Variants in PFKFB1 observed in about 807,000 individuals in gnomAD.
PFKFB1 encodes the protein 6-phosphofructo-2-kinase/fructose-2,6-bisphosphatase 1.
In PFKFB1, 34 loss-of-function variants were observed where a neutral mutation model predicts 46.4. The observed-to-expected ratio is 0.73, with a 90% CI of 0.56 to 0.98. The LOEUF (loss-of-function observed/expected upper bound fraction) is 0.98, where lower values mean the gene tolerates loss of function less well. PFKFB1 is among the 50% of genes least tolerant of loss of function. The probability of loss-of-function intolerance (pLI) is 0.00; values close to 1 mark genes in which losing one functional copy is unlikely to be tolerated. For synonymous variants in PFKFB1, 119 were observed against 133.8 expected (o/e 0.89, Z 0.76); for missense variants, 393 against 376.3 (o/e 1.04, Z -0.37).
intron 1 of PFKFB1, among the ~76,000 whole-genome samples, chrX:54,971,457 T>A (rs1187912313): frequency 1.6e-4 from 18 of 111,327 alleles, no homozygotes; most frequent in Non-Finnish European, 3.8e-5. Context: ...CTTCTAGGGT[T>A]TTTATGGTTT....
chrX:54,989,277 G>A (rs1935181059), intron 1 of PFKFB1, among the ~76,000 whole-genome samples: 1 of 111,426 alleles, frequency 9.0e-6, no homozygotes, highest in African/African-American at 3.3e-5. Context: ...CACATACCAG[G>A]CAAATATTAA....
In PFKFB1 at chrX:54,934,949, T is replaced by A. The variant is rs750333012; in HGVS notation, c.1289A>T (p.Tyr430Phe). 17 of 1,201,709 alleles carry A rather than the reference T, an allele frequency of 1.4e-5. No homozygotes were observed. The highest frequency in any genetic ancestry group is 1.9e-5 in the Non-Finnish European group (17 of 886,760). ...HTVLKLTPVAYGCKVESIYLN... is the reference protein window; with the variant it reads ...HTVLKLTPVAFGCKVESIYLN... Reference sequence around the variant, plus strand: ...TTGATCAGGGTGGGAGTACTTACCATAAGCCACAGGAGTGAGTTTGAGCAC... The same window carrying A: ...TTGATCAGGGTGGGAGTACTTACCAAAAGCCACAGGAGTGAGTTTGAGCAC... Residue 430 changes from tyrosine to phenylalanine, a missense_variant and splice_region_variant, in exon 12 of 14, where the codon TAT (tyrosine) becomes TTT (phenylalanine). By Grantham distance (22) the Tyr-to-Phe change is conservative. Transcript: ENST00000375006.
chrX:54,954,981 G>A (rs923457316), intron 7 of PFKFB1, among the ~76,000 whole-genome samples: 5 of 111,719 alleles, frequency 4.5e-5, no homozygotes, highest in African/African-American at 9.8e-5. Context: ...CCTTCACCCC[G>A]GCCTTCAGGC....
intron 1 of PFKFB1, among the ~76,000 whole-genome samples, chrX:54,973,941 C>G (rs1316164312): frequency 9.0e-6 from 1 of 111,077 alleles, no homozygotes; most frequent in Non-Finnish European, 1.9e-5. Flanking sequence ...GATCTGTATG[C>G]TGGAAATTAC....
At chrX:54,985,655 T>G (rs1476658672) in intron 1 of PFKFB1, among the ~76,000 whole-genome samples, 1 of 111,040 alleles carries the variant, frequency 9.0e-6, no homozygotes, top group African/African-American at 3.3e-5. Flanking sequence ...CTTAATTTTC[T>G]CAGCTTCCTT....
chrX:54,991,539 CTGTGTG>C (rs59214352), intron 1 of PFKFB1, among the ~76,000 whole-genome samples: 19 of 61,860 alleles, frequency 3.1e-4, no homozygotes, highest in Non-Finnish European at 5.8e-4. Flanking sequence ...CTCTCTCTCT[CTGTGTG>C]TGTGTGTGTG....
At chrX:54,964,364 C>T (rs946027732) in intron 1 of PFKFB1, among the ~76,000 whole-genome samples, 89 of 110,541 alleles carry the variant, frequency 8.1e-4, no homozygotes, top group African/African-American at 2.5e-3. Context: ...TGGAATACAT[C>T]TATAAGAGAT....
intron 10 of PFKFB1, among the ~76,000 whole-genome samples, chrX:54,940,233 G>C (rs1311262150): frequency 9.0e-6 from 1 of 111,535 alleles, no homozygotes; most frequent in African/African-American, 3.3e-5. Flanking sequence ...GTATTGATGG[G>C]ACGTATCTCA....
At chrX:54,986,287 A>G (rs966557461) in intron 1 of PFKFB1, among the ~76,000 whole-genome samples, 6 of 112,061 alleles carry the variant, frequency 5.4e-5, no homozygotes, top group Admixed American at 9.5e-5. Context: ...CTCCATCTCT[A>G]TTCTAAAAAA....
chrX:54,959,739 G>A (rs1389953505), intron 4 of PFKFB1, 88 bp downstream of exon 4: 2 of 577,331 alleles, frequency 3.5e-6, no homozygotes, highest in Non-Finnish European at 6.0e-6. Context: ...AGAACATAAT[G>A]TTCTGTACAC....
intron 1 of PFKFB1, among the ~76,000 whole-genome samples, chrX:54,974,177 A>T (rs940086184): frequency 8.9e-6 from 1 of 111,746 alleles, no homozygotes; most frequent in Non-Finnish European, 1.9e-5. Context: ...GCAAAATAAA[A>T]ACAATGTTGC....
At chrX:54,947,618 T>C (rs779862040) in intron 9 of PFKFB1, among the ~76,000 whole-genome samples, 2 of 112,431 alleles carry the variant, frequency 1.8e-5, no homozygotes, top group South Asian at 3.7e-4. Context: ...CACACATATA[T>C]GTCTGTTTCT....
rs920113345 is a variant in PFKFB1, at chrX:54,949,327, T to C, written c.847-106A>G. 7 of 596,456 alleles carry C rather than the reference T, an allele frequency of 1.2e-5. No individual in the cohort carries two copies. In the African/African-American group the frequency reaches 1.4e-4, roughly 12 times the overall value. The allele number at this position is 596,456 out of a possible 1,213,427, so 49.2% of individuals were successfully genotyped here. ...AGATCTGCCACAAATTGAGTGGTGA[T>C]GAACAAGCAGAGCAAAGAGTTTAAA... On this transcript the variant is annotated intron_variant, in intron 8 of 13. Transcript: ENST00000375006.
intron 1 of PFKFB1, among the ~76,000 whole-genome samples, chrX:54,973,259 C>G (rs1369488708): frequency 9.0e-6 from 1 of 111,325 alleles, no homozygotes; most frequent in African/African-American, 3.3e-5. Context: ...TGCTAGCGGT[C>G]TATCAATTTT....
chrX:54,979,149 T>C (rs983501117), intron 1 of PFKFB1, among the ~76,000 whole-genome samples: 4 of 111,543 alleles, frequency 3.6e-5, no homozygotes, highest in African/African-American at 1.3e-4. Flanking sequence ...AATTCTACAA[T>C]TGTTCTGTAA....
Position 54,960,897 on chromosome X carries a change from G to A in PFKFB1, c.244C>T (p.Arg82Ter), listed in dbSNP as rs892692259. 2 of 1,183,161 alleles carry A rather than the reference G, an allele frequency of 1.7e-6. No individual in the cohort carries two copies. The highest frequency in any genetic ancestry group is 1.8e-5 in the African/African-American group (1 of 56,584). The change falls in exon 3 of 14, where the codon CGA (arginine) becomes TGA (stop). Residue 82 changes from arginine (R) to a stop codon, truncating the protein, a stop_gained. Coordinates refer to ENST00000375006, the MANE Select transcript of PFKFB1 (RefSeq NM_002625.4). LOFTEE classifies it high-confidence loss of function. ...TTCTTGTAGCTCACTGCCTCTCGTCGATACTGGCCTAAATTAAACACTGAA... is the reference window on the plus strand; with the variant it reads ...TTCTTGTAGCTCACTGCCTCTCGTCAATACTGGCCTAAATTAAACACTGAA... Reference protein sequence around the residue: ...PTKVFNLGQYRREAVSYKNYE... With the variant: ...PTKVFNLGQY
At chrX:54,987,674 C>T (rs1041721272) in intron 1 of PFKFB1, among the ~76,000 whole-genome samples, 1 of 110,749 alleles carries the variant, frequency 9.0e-6, no homozygotes, top group Non-Finnish European at 1.9e-5. Flanking sequence ...TTGATTTAAC[C>T]TTTGAAAATC....
intron 7 of PFKFB1, among the ~76,000 whole-genome samples, chrX:54,954,636 C>T (rs993975975): frequency 4.5e-5 from 5 of 112,123 alleles, no homozygotes; most frequent in Non-Finnish European, 9.4e-5. Flanking sequence ...CTCGTTTAGA[C>T]CTTCTTCCTC....
chrX:54,966,890 T>A (rs1231537416), intron 1 of PFKFB1, among the ~76,000 whole-genome samples: 2 of 111,549 alleles, frequency 1.8e-5, no homozygotes, highest in Non-Finnish European at 3.8e-5. Context: ...AAAGCAACAG[T>A]GTAAAGTTGA....
Sources: gnomAD v4.1 joint callset for allele counts (sites outside exome capture counted in the v4.1 genomes callset) on GRCh38, gnomAD v4.1.1 for gene constraint, MANE v1.5 for transcripts, NCBI Gene and HGNC (gene_info 2026-07-23, HGNC 2026-07-21) for gene names.